TMEM178B: variants seen among roughly 807,000 people sequenced by gnomAD.
TMEM178B encodes transmembrane protein 178B.
A neutral mutation model predicts 31.0 loss-of-function variants in TMEM178B; 5 were observed. The observed-to-expected ratio is 0.16, with a 90% CI of 0.08 to 0.34. The LOEUF is 0.34. Among genes scored for constraint, TMEM178B ranks in the 10% least tolerant of loss-of-function variants. The probability of loss-of-function intolerance (pLI) is 1.00; values close to 1 mark genes in which losing one functional copy is unlikely to be tolerated. For missense variants in TMEM178B, 275 were observed against 400.3 expected (o/e 0.69, Z 2.67); for synonymous variants, 164 against 164.0 (o/e 1.00, Z 0.00).
At chr7:141,170,400 G>A (rs1384252269) in intron 1 of TMEM178B, among the ~76,000 whole-genome samples, 3 of 151,970 alleles carry the variant, frequency 2.0e-5, no homozygotes, top group Admixed American at 6.6e-5. Context: ...CTTTCACTGC[G>A]GCTCTTCTCA....
intron 1 of TMEM178B, among the ~76,000 whole-genome samples, chr7:141,120,577 G>T (rs1795392202): frequency 2.0e-5 from 3 of 151,998 alleles, no homozygotes; most frequent in South Asian, 4.2e-4. Context: ...GCAGTCCCTT[G>T]CCTTCTGTTT....
At chr7:141,222,352 T>C (rs975390240) in intron 2 of TMEM178B, among the ~76,000 whole-genome samples, 6 of 152,196 alleles carry the variant, frequency 3.9e-5, no homozygotes, top group Admixed American at 6.5e-5. Context: ...TCAAGCCCCA[T>C]GGAGTCCAGC....
intron 1 of TMEM178B, among the ~76,000 whole-genome samples, chr7:141,078,146 C>T (rs1794627105): frequency 6.6e-6 from 1 of 152,122 alleles, no homozygotes; most frequent in South Asian, 2.1e-4. Flanking sequence ...TAAGTGACTG[C>T]AGGCACTGGG....
intron 1 of TMEM178B, among the ~76,000 whole-genome samples, chr7:141,087,420 C>T (rs1481354986): frequency 1.3e-5 from 2 of 152,012 alleles, no homozygotes; most frequent in Non-Finnish European, 2.9e-5. Flanking sequence ...TTTCCTGCTG[C>T]TTGTGGAGAA....
chr7:141,370,355 T>C (rs1172742474), intron 2 of TMEM178B, among the ~76,000 whole-genome samples: 2 of 152,204 alleles, frequency 1.3e-5, no homozygotes, highest in African/African-American at 4.8e-5. Flanking sequence ...GGGACAGGGC[T>C]GGGCTGAGCT....
At chr7:141,200,385 A>C (rs750926316) in intron 1 of TMEM178B, among the ~76,000 whole-genome samples, 1 of 149,234 alleles carries the variant, frequency 6.7e-6, no homozygotes, top group Non-Finnish European at 1.5e-5. Context: ...TGGGGCTGAG[A>C]GGTGGTTTTT....
At chr7:141,103,520 T>A (rs751405596) in intron 1 of TMEM178B, among the ~76,000 whole-genome samples, 1 of 152,210 alleles carries the variant, frequency 6.6e-6, no homozygotes, top group African/African-American at 2.4e-5. Flanking sequence ...TACCTGATAA[T>A]GAGTTTTTTG....
intron 2 of TMEM178B, among the ~76,000 whole-genome samples, chr7:141,251,794 C>T (rs1797838037): frequency 6.6e-6 from 1 of 152,120 alleles, no homozygotes; most frequent in Non-Finnish European, 1.5e-5. Flanking sequence ...TAGACTTGGC[C>T]TTAAAATCAC....
chr7:141,176,762 TC>T (rs1487833703), intron 1 of TMEM178B, among the ~76,000 whole-genome samples: 1 of 152,236 alleles, frequency 6.6e-6, no homozygotes, highest in African/African-American at 2.4e-5. Context: ...GCTTACAGAT[TC>T]TCCAGTGGTA....
At chr7:141,167,213 A>G (rs1275232072) in intron 1 of TMEM178B, among the ~76,000 whole-genome samples, 1 of 152,198 alleles carries the variant, frequency 6.6e-6, no homozygotes, top group Non-Finnish European at 1.5e-5. Flanking sequence ...CTGACACATT[A>G]TCTAGAGTTG....
chr7:141,242,024 A>G (rs991427788), intron 2 of TMEM178B, among the ~76,000 whole-genome samples: 2 of 152,236 alleles, frequency 1.3e-5, no homozygotes, highest in Non-Finnish European at 2.9e-5. Context: ...TAAAACTGAC[A>G]ATTGAAAATG....
downstream of TMEM178B, among the ~76,000 whole-genome samples, chr7:141,484,399 C>G (rs940453984): frequency 2.0e-5 from 3 of 152,064 alleles, no homozygotes; most frequent in African/African-American, 7.2e-5. The surrounding 1 kb of genome is among the most constrained non-coding windows in gnomAD (Gnocchi z 4.8). Flanking sequence ...GAGATCTTGC[C>G]AAAAATGCAA....
At chr7:141,393,709 T>G (rs1800587145) in intron 2 of TMEM178B, among the ~76,000 whole-genome samples, 1 of 152,234 alleles carries the variant, frequency 6.6e-6, no homozygotes, top group South Asian at 2.1e-4. Context: ...AACTGCAACT[T>G]TATTCCTCCT....
rs115142411 is a variant in TMEM178B, at chr7:141,323,373, T to G, written c.496+110669T>G. On this transcript the variant is annotated intron_variant, in intron 2 of 3. Transcript: ENST00000565468. ...ATAAACATATGAGATACATACATGT[T>G]TCAAGCTCATAATATTTTACACTGG... 1.7e-3 allele frequency among the ~76,000 whole-genome samples: 261 copies of G among 152,334 alleles called. 2 individuals are homozygous for G. Among genetic ancestry groups the G allele is most frequent in the African/African-American group, 6.0e-3 (251 of 41,582 alleles).
At chr7:141,357,828 G>C (rs1799847800) in intron 2 of TMEM178B, among the ~76,000 whole-genome samples, 1 of 152,158 alleles carries the variant, frequency 6.6e-6, no homozygotes, top group Non-Finnish European at 1.5e-5. Context: ...CTTAGTTGTA[G>C]AGTGTATTCT....
intron 2 of TMEM178B, among the ~76,000 whole-genome samples, chr7:141,314,226 AGCCATATGGC>A (rs1280043233): frequency 1.3e-5 from 2 of 152,224 alleles, no homozygotes; most frequent in African/African-American, 4.8e-5. Flanking sequence ...AAGAAAGAGC[AGCCATATGGC>A]TTCAACTCTC....
intron 2 of TMEM178B, among the ~76,000 whole-genome samples, chr7:141,320,140 T>C (rs1274233877): frequency 6.6e-6 from 1 of 152,148 alleles, no homozygotes; most frequent in Non-Finnish European, 1.5e-5. Flanking sequence ...CCTGCTGCCA[T>C]GTAAGATGTG....
intron 1 of TMEM178B, among the ~76,000 whole-genome samples, chr7:141,077,779 TA>T (rs1345285593): frequency 6.6e-6 from 1 of 152,196 alleles, no homozygotes; most frequent in Non-Finnish European, 1.5e-5. Context: ...AGAATTTAAG[TA>T]AAAAATTAGA....
At chr7:141,193,438 A>G (rs940604445) in intron 1 of TMEM178B, among the ~76,000 whole-genome samples, 4 of 152,306 alleles carry the variant, frequency 2.6e-5, no homozygotes, top group African/African-American at 9.6e-5. Context: ...CAGCCCTTCC[A>G]GGGTCAGGTG....
Sources: gnomAD v4.1 joint callset for allele counts (sites outside exome capture counted in the v4.1 genomes callset) on GRCh38, gnomAD v4.1.1 for gene constraint, Gnocchi (gnomAD v3.1) non-coding constraint, MANE v1.5 for transcripts, NCBI Gene and HGNC (gene_info 2026-07-23, HGNC 2026-07-21) for gene names.